DNAJB14: variants seen among roughly 807,000 people sequenced by gnomAD.
DNAJB14 encodes DnaJ heat shock protein family (Hsp40) member B14.
In DNAJB14, 22 loss-of-function variants were observed where a neutral mutation model predicts 48.4. That is an observed-to-expected ratio of 0.45 (90% CI 0.32 to 0.65). The LOEUF (loss-of-function observed/expected upper bound fraction) is 0.65, where lower values mean the gene tolerates loss of function less well. DNAJB14 is among the 30% of genes least tolerant of loss of function. The pLI is 0.03. For synonymous variants in DNAJB14, 142 were observed against 158.7 expected, an observed-to-expected ratio of 0.89 and a Z score of 0.79; for missense variants, 319 against 458.8, an observed-to-expected ratio of 0.70 and a Z score of 2.78.
intron 7 of DNAJB14, among the ~76,000 whole-genome samples, chr4:99,902,934 T>C (rs1360436090): frequency 6.6e-6 from 1 of 152,154 alleles, no homozygotes; most frequent in African/African-American, 2.4e-5. Flanking sequence ...AGGCATTATA[T>C]AAATGATAGC....
At chr4:99,937,498 G>C (rs1256079830) in intron 1 of DNAJB14, among the ~76,000 whole-genome samples, 1 of 151,972 alleles carries the variant, frequency 6.6e-6, no homozygotes, top group Non-Finnish European at 1.5e-5. Context: ...GCCAAGGTGG[G>C]CTGATCACTT....
chr4:99,912,241 T>C (rs768111309), intron 3 of DNAJB14, among the ~76,000 whole-genome samples: 1 of 152,242 alleles, frequency 6.6e-6, no homozygotes, highest in Non-Finnish European at 1.5e-5. Context: ...TATGTGTGTA[T>C]CTCTCTGCCA....
At chr4:99,936,281 C>T (rs1481141650) in intron 1 of DNAJB14, among the ~76,000 whole-genome samples, 1 of 152,154 alleles carries the variant, frequency 6.6e-6, no homozygotes, top group Non-Finnish European at 1.5e-5. Flanking sequence ...TAACAGAGAA[C>T]AGAATCACAA....
intron 1 of DNAJB14, among the ~76,000 whole-genome samples, chr4:99,940,053 TC>T (rs1390737087): frequency 6.6e-6 from 1 of 152,158 alleles, no homozygotes; most frequent in East Asian, 1.9e-4. Flanking sequence ...TTTAGTATAT[TC>T]CATATTAAAG....
chr4:99,939,415 G>A (rs1004482769), intron 1 of DNAJB14, among the ~76,000 whole-genome samples: 3 of 152,102 alleles, frequency 2.0e-5, no homozygotes, highest in Non-Finnish European at 4.4e-5. Flanking sequence ...ACGTGGCCAC[G>A]AAGACCCACT....
At chr4:99,940,329 A>T (rs918679579) in intron 1 of DNAJB14, among the ~76,000 whole-genome samples, 1 of 152,216 alleles carries the variant, frequency 6.6e-6, no homozygotes, top group African/African-American at 2.4e-5. Flanking sequence ...GTGGTGGCTC[A>T]TGCTTGTAAT....
chr4:99,923,263 G>T, intron 2 of DNAJB14, 78 bp from the exon 3 acceptor site: 4 of 1,285,930 alleles, frequency 3.1e-6, no homozygotes, highest in Non-Finnish European at 4.2e-6. Flanking sequence ...TAATTTATTA[G>T]AATACTATAA....
intron 3 of DNAJB14, among the ~76,000 whole-genome samples, chr4:99,909,663 CA>C (rs1344215886): frequency 6.6e-6 from 1 of 151,888 alleles, no homozygotes; most frequent in African/African-American, 2.4e-5. Context: ...GTCCCAAATC[CA>C]AAAGAGGTAA....
intron 2 of DNAJB14, chr4:99,924,855 T>G: frequency 7.0e-7 from 1 of 1,433,486 alleles, no homozygotes; most frequent in Non-Finnish European, 9.8e-7. Flanking sequence ...TTTGACTGCA[T>G]AAAAAACTGA....
At chr4:99,901,303 T>A in intron 7 of DNAJB14, 151 bp from the exon 8 acceptor site, 2 of 694,820 alleles carry the variant, frequency 2.9e-6, no homozygotes, top group Admixed American at 3.9e-5. Context: ...GCCATTTTAG[T>A]AGGAAAAAAA....
At chr4:99,901,956 C>A (rs1418498370) in intron 7 of DNAJB14, among the ~76,000 whole-genome samples, 1 of 151,606 alleles carries the variant, frequency 6.6e-6, no homozygotes, top group African/African-American at 2.4e-5. Context: ...GATATACTCA[C>A]AGTTAAGACA....
At chr4:99,930,331 A>AT (rs1726416876) in intron 2 of DNAJB14, 119 bp downstream of exon 2, 4 of 982,128 alleles carry the variant, frequency 4.1e-6, no homozygotes, top group Non-Finnish European at 5.8e-6. Flanking sequence ...ACACACCCAG[A>AT]GTTCAATTCC....
At chr4:99,929,409 T>C (rs1726377892) in intron 2 of DNAJB14, 1 of 152,204 alleles carries the variant, frequency 6.6e-6, no homozygotes. Context: ...TCGTTTTTTC[T>C]CATTGTAATC....
At chr4:99,929,418 T>C (rs1055827496) in intron 2 of DNAJB14, 1 of 152,152 alleles carries the variant, frequency 6.6e-6, no homozygotes, top group African/African-American at 2.4e-5. Flanking sequence ...CTCATTGTAA[T>C]CACTCTCAAA....
chr4:99,912,400 T>C (rs999153605), intron 3 of DNAJB14, among the ~76,000 whole-genome samples: 1 of 152,204 alleles, frequency 6.6e-6, no homozygotes, highest in Non-Finnish European at 1.5e-5. Context: ...AGAATAAAAC[T>C]TGTTTCTATC....
intron 7 of DNAJB14, 142 bp from the exon 8 acceptor site, chr4:99,901,294 C>T: frequency 1.3e-6 from 1 of 761,270 alleles, no homozygotes. Flanking sequence ...TTCCTAAAAG[C>T]CATTTTAGTA....
At chr4:99,942,522 G>A (rs1726922847) in intron 1 of DNAJB14, 1 of 151,884 alleles carries the variant, frequency 6.6e-6, no homozygotes, top group South Asian at 2.1e-4. Flanking sequence ...TTTCTATGTG[G>A]TAGCTATTCA....
chr4:99,929,585 T>C (rs1427873890), intron 2 of DNAJB14: 3 of 152,110 alleles, frequency 2.0e-5, no homozygotes, highest in African/African-American at 2.4e-5. Flanking sequence ...TTACAAATTA[T>C]GGTAAATAAA....
Position 99,907,348 on chromosome 4 carries a change from C to A in DNAJB14, c.638-737G>T, listed in dbSNP as rs186811282. Among the ~76,000 whole-genome samples the A allele has an allele frequency of 2.0e-5, 3 of 152,200 alleles. No homozygotes were observed. The East Asian group carries it at 5.8e-4, about 29-fold the overall frequency. On this transcript the variant is annotated intron_variant, in intron 4 of 7. Coordinates refer to ENST00000442697, the MANE Select transcript of DNAJB14 (RefSeq NM_001031723.4). ...TTGCATTTATATATCCTCTTTCCTT[C>A]AAGGATGCTTTGCAAAACGTCCTAT...
Sources: allele counts gnomAD v4.1 joint callset (sites outside exome capture counted in the v4.1 genomes callset), GRCh38; gene constraint gnomAD v4.1.1; transcripts MANE v1.5; gene names NCBI Gene and HGNC (gene_info 2026-07-23, HGNC 2026-07-21).